Variants in KAZN observed in about 807,000 individuals in gnomAD.
KAZN encodes kazrin, periplakin interacting protein.
KAZN carries 40 observed loss-of-function variants against 87.4 expected under a neutral mutation model. The ratio of observed to expected loss-of-function variants is 0.46; its 90% CI spans 0.36 to 0.60. KAZN has a LOEUF of 0.60. Ranked by LOEUF, KAZN falls within the 20% of genes least tolerant of loss-of-function variation. The pLI is 0.00. For synonymous variants in KAZN, 466 were observed against 458.3 expected (o/e 1.02, Z -0.22); for missense variants, 898 against 1,073.9 (o/e 0.84, Z 2.29).
At chr1:14,327,204 T>C (rs1390657919) in intron 2 of KAZN, among the ~76,000 whole-genome samples, 1 of 152,140 alleles carries the variant, frequency 6.6e-6, no homozygotes, top group East Asian at 1.9e-4. Context: ...TAAGTTAGAG[T>C]AGCTTTAAGG....
intron 2 of KAZN, among the ~76,000 whole-genome samples, chr1:14,358,548 CTT>C (rs1043017426): frequency 6.6e-6 from 1 of 152,100 alleles, no homozygotes; most frequent in Non-Finnish European, 1.5e-5. Context: ...CCTTCTTTCT[CTT>C]GTGGGCATTT....
chr1:14,761,217 G>A (rs757811985), intron 1 of KAZN, among the ~76,000 whole-genome samples: 1 of 152,090 alleles, frequency 6.6e-6, no homozygotes, highest in African/African-American at 2.4e-5. Context: ...CTGGGTCCAG[G>A]AATCTCTTCC....
In KAZN at chr1:14,960,805, G is replaced by T. The variant is rs769576447; in HGVS notation, c.348G>T (p.Ser116=). The part of the protein sequence containing the change: ...SQGGKSSEVL[S]ATELRVQLAQ... ...GCGGCAAGTCCTCTGAGGTCCTCTC[G>T]GCCACCGAGCTCAGGGTCCAGCTGG... The change falls in exon 2 of 15, where the codon TCG becomes TCT. Residue 116 remains serine, a synonymous_variant. Coordinates refer to ENST00000376030, the MANE Select transcript of KAZN (RefSeq NM_201628.3). 6.2e-7 allele frequency: 1 copy of T among 1,612,942 alleles called. No homozygotes were observed. Among genetic ancestry groups the T allele is most frequent in the Admixed American group, 1.7e-5 (1 of 59,910 alleles).
Position 15,077,855 on chromosome 1 carries a change from G to T in KAZN, c.1222+12102G>T, listed in dbSNP as rs1639827240. 6.6e-6 allele frequency among the ~76,000 whole-genome samples: 1 copy of T among 152,184 alleles called. No individual in the cohort carries two copies. The highest frequency in any genetic ancestry group is 2.4e-5 in the African/African-American group (1 of 41,446). On this transcript the variant is annotated intron_variant, in intron 8 of 14. Transcript: ENST00000376030. This position sits in a 1 kb window ranked among gnomAD's most constrained non-coding sequence, Gnocchi z 4.8. ...ATGGGAGCAGGAGAGGTAGCAGGGG[G>T]TGTGAGGAAAGCTAATATGACTTGC...
At chr1:14,055,615 T>C (rs1570629120) in intron 1 of KAZN, among the ~76,000 whole-genome samples, 1 of 152,104 alleles carries the variant, frequency 6.6e-6, no homozygotes, top group Non-Finnish European at 1.5e-5. Context: ...TCTCCCCACA[T>C]TGGATCATCA....
intron 2 of KAZN, among the ~76,000 whole-genome samples, chr1:14,280,990 A>G (rs977594872): frequency 6.6e-6 from 1 of 152,244 alleles, no homozygotes; most frequent in African/African-American, 2.4e-5. Flanking sequence ...GCAAGTCTAC[A>G]GTCTGTTGAG....
chr1:13,967,912 C>T (rs1308836949), intron 1 of KAZN, among the ~76,000 whole-genome samples: 1 of 152,186 alleles, frequency 6.6e-6, no homozygotes, highest in Non-Finnish European at 1.5e-5. Flanking sequence ...CACAGATGGG[C>T]AGCAACCCTG....
intron 1 of KAZN, among the ~76,000 whole-genome samples, chr1:14,921,293 A>G (rs1405210907): frequency 6.6e-6 from 1 of 152,112 alleles, no homozygotes; most frequent in Non-Finnish European, 1.5e-5. Context: ...AGTAACTAGG[A>G]CGTATGTGCG....
chr1:14,063,695 C>T (rs555175194), intron 1 of KAZN, among the ~76,000 whole-genome samples: 1 of 152,276 alleles, frequency 6.6e-6, no homozygotes, highest in African/African-American at 2.4e-5. Flanking sequence ...ACTCAAATCT[C>T]ACCTGGAATT....
intron 1 of KAZN, among the ~76,000 whole-genome samples, chr1:14,604,330 T>C (rs1051356983): frequency 2.6e-5 from 4 of 152,190 alleles, no homozygotes; most frequent in African/African-American, 9.7e-5. Flanking sequence ...GGGCAGATCA[T>C]ACCTGACGAT....
At chr1:14,504,619 G>A (rs984313464) in intron 2 of KAZN, among the ~76,000 whole-genome samples, 1 of 151,818 alleles carries the variant, frequency 6.6e-6, no homozygotes, top group Non-Finnish European at 1.5e-5. Context: ...AGGAAGAGAA[G>A]CTAATCAGGG....
intron 1 of KAZN, among the ~76,000 whole-genome samples, chr1:14,602,553 A>G (rs1291753931): frequency 6.6e-6 from 1 of 152,250 alleles, no homozygotes; most frequent in African/African-American, 2.4e-5. Context: ...ATTTGTTTAA[A>G]GTAACATTTC....
chr1:14,775,854 G>A (rs1399320718), intron 1 of KAZN, among the ~76,000 whole-genome samples: 1 of 152,176 alleles, frequency 6.6e-6, no homozygotes, highest in Non-Finnish European at 1.5e-5. Context: ...GAGGGTCCGG[G>A]CCACCGGGTC....
chr1:14,908,586 G>A (rs1181312926), intron 1 of KAZN, among the ~76,000 whole-genome samples: 1 of 151,762 alleles, frequency 6.6e-6, no homozygotes, highest in Non-Finnish European at 1.5e-5. Flanking sequence ...CCTGGGTGTG[G>A]AGGCATGTGA....
At position 14,091,180 on chromosome 1, in the gene KAZN, C is replaced by G. The variant is rs939338696; in HGVS notation, c.92-89255C>G. On this transcript the variant is annotated intron_variant, in intron 1 of 16. Transcript: ENST00000636203. Reference sequence around the variant, plus strand: ...AAATTTACCTGTGCAATTCCCTCCTCTTGGTATATTGCCATGCAAACCTCA... The same window carrying G: ...AAATTTACCTGTGCAATTCCCTCCTGTTGGTATATTGCCATGCAAACCTCA... 2.6e-5 allele frequency among the ~76,000 whole-genome samples: 4 copies of G among 151,212 alleles called. No homozygotes were observed. The South Asian group carries it at 8.4e-4, about 32-fold the overall frequency.
chr1:14,778,534 G>A (rs1010989431), intron 1 of KAZN, among the ~76,000 whole-genome samples: 41 of 152,214 alleles, frequency 2.7e-4, no homozygotes, highest in African/African-American at 9.6e-4. Context: ...GTGGAGATCC[G>A]TTCAGTCCAT....
intron 1 of KAZN, chr1:14,924,012 C>T (rs74932709): frequency 0.14 from 93,880 of 649,630 alleles, 7,117 homozygotes; most frequent in Middle Eastern, 0.16. Flanking sequence ...CGCGGCGGCG[C>T]TCCCCGGGCA....
intron 2 of KAZN, among the ~76,000 whole-genome samples, chr1:14,446,275 A>T (rs558967643): frequency 6.6e-6 from 1 of 152,184 alleles, no homozygotes; most frequent in Non-Finnish European, 1.5e-5. Context: ...CATTGGCCAC[A>T]CACAAAAAAT....
At chr1:14,469,477 G>A (rs1393278077) in intron 2 of KAZN, among the ~76,000 whole-genome samples, 1 of 152,134 alleles carries the variant, frequency 6.6e-6, no homozygotes, top group African/African-American at 2.4e-5. Flanking sequence ...GAAACGGAAG[G>A]TTATTTTGCT....
Sources: allele counts gnomAD v4.1 joint callset (sites outside exome capture counted in the v4.1 genomes callset), GRCh38; gene constraint gnomAD v4.1.1; non-coding constraint Gnocchi (gnomAD v3.1); transcripts MANE v1.5; gene names NCBI Gene and HGNC (gene_info 2026-07-23, HGNC 2026-07-21).